The following SLC20A2 variants were observed in gnomAD, a reference collection of about 807,000 sequenced individuals.
SLC20A2 encodes solute carrier family 20 member 2.
SLC20A2 carries 30 observed loss-of-function variants against 61.0 expected under a neutral mutation model. That is an observed-to-expected ratio of 0.49 (90% CI 0.37 to 0.67). The LOEUF (loss-of-function observed/expected upper bound fraction) is 0.67. Ranked by LOEUF, SLC20A2 falls within the 30% of genes least tolerant of loss-of-function variation. The pLI is 0.00. For missense variants in SLC20A2, 626 were observed against 866.4 expected (o/e 0.72, Z 3.48); for synonymous variants, 351 against 353.3 (o/e 0.99, Z 0.07).
intron 1 of SLC20A2, among the ~76,000 whole-genome samples, chr8:42,490,029 T>C (rs752269): frequency 0.015 from 2,304 of 152,270 alleles, 130 homozygotes; most frequent in East Asian, 0.13. Context: ...GTTAGAAAAA[T>C]ATACTTTTAT....
chr8:42,482,251 TGTTA>T (rs764371651), intron 1 of SLC20A2, among the ~76,000 whole-genome samples: 3 of 152,214 alleles, frequency 2.0e-5, no homozygotes, highest in Non-Finnish European at 2.9e-5. Flanking sequence ...AGATTTTATT[TGTTA>T]TTTTCCTTTT....
intron 1 of SLC20A2, among the ~76,000 whole-genome samples, chr8:42,495,327 A>G (rs1369654041): frequency 6.6e-6 from 1 of 152,188 alleles, no homozygotes; most frequent in African/African-American, 2.4e-5. Flanking sequence ...TTAAACAGAC[A>G]CTTGGAATGT....
chr8:42,489,391 T>G (rs1441991823), intron 1 of SLC20A2, among the ~76,000 whole-genome samples: 1 of 152,166 alleles, frequency 6.6e-6, no homozygotes, highest in Non-Finnish European at 1.5e-5. Context: ...TCTGCTAAGT[T>G]CAGTATCTGG....
chr8:42,537,418 G>A (rs1812780740), intron 1 of SLC20A2: 1 of 151,072 alleles, frequency 6.6e-6, no homozygotes, highest in South Asian at 2.1e-4. Flanking sequence ...AAAGCAAATG[G>A]ACAGAAGTGT....
intron 10 of SLC20A2, among the ~76,000 whole-genome samples, chr8:42,425,968 G>A (rs747873450): frequency 4.5e-4 from 68 of 152,166 alleles, no homozygotes; most frequent in Non-Finnish European, 6.5e-4. Context: ...CCCAGGAGGC[G>A]GAGCTTGCAG....
At chr8:42,454,621 A>AT (rs34104662) in intron 5 of SLC20A2, among the ~76,000 whole-genome samples, 3,058 of 144,474 alleles carry the variant, frequency 0.021, 43 homozygotes, top group Admixed American at 0.037. Flanking sequence ...CCTTACACAG[A>AT]TTTTTTTTTT....
upstream of SLC20A2, among the ~76,000 whole-genome samples, chr8:42,505,386 G>C (rs1810614591): frequency 6.6e-6 from 1 of 152,096 alleles, no homozygotes; most frequent in Admixed American, 6.6e-5. Context: ...ACCCAACTCG[G>C]CCTCCCAAAG....
At chr8:42,486,246 A>AT (rs900619426) in intron 1 of SLC20A2, among the ~76,000 whole-genome samples, 25 of 149,158 alleles carry the variant, frequency 1.7e-4, no homozygotes, top group Admixed American at 6.7e-5. Flanking sequence ...TTTTATTTAA[A>AT]TTTTTTTTTT....
intron 5 of SLC20A2, among the ~76,000 whole-genome samples, chr8:42,445,816 G>A (rs1391270217): frequency 6.6e-6 from 1 of 152,232 alleles, no homozygotes; most frequent in African/African-American, 2.4e-5. Flanking sequence ...ACCTGCGGCA[G>A]GAAGCTGCCA....
intron 1 of SLC20A2, among the ~76,000 whole-genome samples, chr8:42,539,400 CA>C: frequency 6.6e-6 from 1 of 152,274 alleles, no homozygotes; most frequent in Non-Finnish European, 1.5e-5. Context: ...TTAAGGAAGC[CA>C]AAACTGTTCA....
upstream of SLC20A2, chr8:42,501,250 C>T (rs144493986): frequency 2.6e-5 from 4 of 152,324 alleles, no homozygotes; most frequent in East Asian, 5.8e-4. Context: ...TCATGTGTGC[C>T]GGGATTTATT....
At chr8:42,431,956 G>A (rs766327684) in intron 8 of SLC20A2, among the ~76,000 whole-genome samples, 1 of 152,204 alleles carries the variant, frequency 6.6e-6, no homozygotes, top group East Asian at 1.9e-4. Context: ...GAGCTCTGAC[G>A]GAGATATGCA....
intron 8 of SLC20A2, among the ~76,000 whole-genome samples, chr8:42,432,529 G>T (rs746353733): frequency 6.6e-6 from 1 of 152,130 alleles, no homozygotes; most frequent in Non-Finnish European, 1.5e-5. Context: ...GGGTGTGAGG[G>T]GATTGACTCC....
intron 1 of SLC20A2, among the ~76,000 whole-genome samples, chr8:42,516,513 G>A (rs952492757): frequency 6.6e-6 from 1 of 152,114 alleles, no homozygotes; most frequent in Non-Finnish European, 1.5e-5. Context: ...TCCTATTGCT[G>A]GAGAGCTCTC....
chr8:42,434,933 T>C (rs1343763788), intron 8 of SLC20A2, among the ~76,000 whole-genome samples: 2 of 152,176 alleles, frequency 1.3e-5, no homozygotes, highest in East Asian at 1.9e-4. Flanking sequence ...CGTGTGTGTG[T>C]GCATCTGAGT....
At chr8:42,425,384 C>T (rs922579823) in intron 10 of SLC20A2, among the ~76,000 whole-genome samples, 4 of 152,194 alleles carry the variant, frequency 2.6e-5, no homozygotes, top group African/African-American at 7.2e-5. Context: ...GTTCATCCCA[C>T]GTTTGCCATT....
intron 1 of SLC20A2, among the ~76,000 whole-genome samples, chr8:42,510,249 T>C (rs1355929187): frequency 2.0e-5 from 3 of 152,182 alleles, no homozygotes; most frequent in African/African-American, 4.8e-5. Context: ...TATTCGACTA[T>C]GTTGAAATAA....
chr8:42,464,111 TTTTTTTTTTTTTG>T (rs1181330276), intron 3 of SLC20A2, among the ~76,000 whole-genome samples: 937 of 90,726 alleles, frequency 0.01, 15 homozygotes, highest in African/African-American at 0.032. Flanking sequence ...TTTTTTTTTT[TTTTTTTTTTTTTG>T]AGACAGGGTC....
chr8:42,481,625 T>C (rs1453270378), intron 1 of SLC20A2, among the ~76,000 whole-genome samples: 2 of 152,264 alleles, frequency 1.3e-5, no homozygotes, highest in East Asian at 3.9e-4. Context: ...ACTCTATTAT[T>C]CTACATCAAC....
Sources: gnomAD v4.1 joint callset for allele counts (sites outside exome capture counted in the v4.1 genomes callset) on GRCh38, gnomAD v4.1.1 for gene constraint, MANE v1.5 for transcripts, NCBI Gene and HGNC (gene_info 2026-07-23, HGNC 2026-07-21) for gene names.